Variants in ZNF497 observed in about 807,000 individuals in gnomAD.
The protein encoded by ZNF497 is zinc finger protein 497.
For synonymous variants in ZNF497, 422 were observed against 313.7 expected (o/e 1.35, Z -3.65); for missense variants, 930 against 714.0 (o/e 1.30, Z -3.45).
intron 1 of ZNF497, chr19:58,358,857 G>A (rs925656625): frequency 4.4e-6 from 2 of 456,890 alleles, no homozygotes; most frequent in Non-Finnish European, 8.8e-6. Flanking sequence ...AGCTGGGGTC[G>A]TGAGCAGGGG....
intron 2 of ZNF497, chr19:58,358,050 G>A (rs1048361393): frequency 8.2e-7 from 1 of 1,220,858 alleles, no homozygotes; most frequent in Non-Finnish European, 1.0e-6. Context: ...TGAGGAACAC[G>A]ATGGACCCGT....
At chr19:58,358,866 G>A (rs2052058982) in intron 1 of ZNF497, 3 of 456,920 alleles carry the variant, frequency 6.6e-6, no homozygotes, top group Non-Finnish European at 1.3e-5. Context: ...CGTGAGCAGG[G>A]GAAGCACACC....
In ZNF497 at chr19:58,357,212, C is replaced by T. The variant is rs764593867; in HGVS notation, c.424G>A (p.Ala142Thr). Reference protein sequence around the residue: ...KPYTCPECGKAFAWSSNLSQH... With the variant: ...KPYTCPECGKTFAWSSNLSQH... Reference sequence around the variant, plus strand: ...CTGAGGTTGGAGCTCCAGGCGAAGGCCTTGCCGCACTCGGGGCACGTGTAC... The same window carrying T: ...CTGAGGTTGGAGCTCCAGGCGAAGGTCTTGCCGCACTCGGGGCACGTGTAC... Residue 142 changes from alanine (A) to threonine (T), a missense_variant, in exon 3 of 3, where the codon GCC (alanine) becomes ACC (threonine). Ala to Thr is a moderately conservative substitution (Grantham distance 58, BLOSUM62 0). Coordinates refer to ENST00000311044, the MANE Select transcript of ZNF497 (RefSeq NM_198458.3). 5.6e-6 allele frequency: 9 copies of T among 1,613,200 alleles called. No individual in the cohort carries two copies. Among genetic ancestry groups the T allele is most frequent in the South Asian group, 3.3e-5 (3 of 91,040 alleles).
At position 58,357,406 on chromosome 19, in the gene ZNF497, G is replaced by A. The variant is rs528294762; in HGVS notation, c.230C>T (p.Ala77Val). ...QGGPGRELGP[A>V]DGGRDGAGPR... ...CCCAGCCCCGTCCCGCCCACCGTCT[G>A]CGGGGCCCAGCTCCCTGCCGGGGCC... is the stretch of plus-strand genomic sequence containing the variant. The change falls in exon 3 of 3, where the codon GCA becomes GTA. Residue 77 changes from alanine (A) to valine (V), a missense_variant. By Grantham distance (64) the Ala-to-Val change is moderately conservative (BLOSUM62 0). Transcript: ENST00000311044. The A allele has an allele frequency of 2.5e-6, 4 of 1,598,518 alleles. No homozygotes were observed. Among genetic ancestry groups the A allele is most frequent in the Non-Finnish European group, 2.6e-6 (3 of 1,173,726 alleles).
chr19:58,356,967 G>A lies in ZNF497; in HGVS notation c.669C>T (p.Cys223=), dbSNP rs763021511. ...TGGAGTTCCAGCTGAAGGCCTTGCC[G>A]CACTCCGGGCACTCGTAGGGCTTCT... is the stretch of plus-strand genomic sequence containing the variant. ...TGEKPYECPE[C]GKAFSWNSNF... The change falls in exon 3 of 3, where the codon TGC becomes TGT. Residue 223 remains cysteine (C), a synonymous_variant. Transcript: ENST00000311044. 6.8e-6 allele frequency: 11 copies of A among 1,606,848 alleles called. No homozygotes were observed. In the South Asian group the frequency reaches 9.9e-5, roughly 14 times the overall value.
At chr19:58,358,221 C>T (rs972815543) in intron 2 of ZNF497, 1 of 1,289,926 alleles carries the variant, frequency 7.8e-7, no homozygotes, top group Non-Finnish European at 1.0e-6. Context: ...GCAATGTCCA[C>T]ACCAGGCCTC....
Position 58,356,727 on chromosome 19 carries a change from G to C in ZNF497, c.909C>G (p.Pro303=), listed in dbSNP as rs374026234. The C allele has an allele frequency of 1.3e-4, 202 of 1,571,706 alleles. 2 individuals carry two copies. The African/African-American group carries it at 2.4e-3, about 19-fold the overall frequency. Residue 303 remains proline, a synonymous_variant, in exon 3 of 3, where the codon CCC becomes CCG. Coordinates refer to ENST00000311044, the MANE Select transcript of ZNF497 (RefSeq NM_198458.3). The stretch of plus-strand genomic sequence containing the variant: ...GGAAAGCCTTTCCGCACTCGGCGCA[G>C]GGGAAGGGCTTCTCGCTGCTGTGCG... ...RRTHSSEKPF[P]CAECGKAFRE... is the part of the protein sequence containing the mutation.
chr19:58,358,210 G>C, intron 2 of ZNF497: 1 of 1,289,928 alleles, frequency 7.8e-7, no homozygotes, highest in Non-Finnish European at 1.0e-6. Context: ...CTGTTACCCA[G>C]GCAATGTCCA....
intron 2 of ZNF497, chr19:58,358,239 G>A (rs918652326): frequency 3.1e-6 from 4 of 1,289,842 alleles, no homozygotes; most frequent in Non-Finnish European, 4.0e-6. Flanking sequence ...CTCTGTGCAG[G>A]TCAGACCAGG....
In ZNF497 at chr19:58,357,408, G is replaced by C. The variant is rs1484855606; in HGVS notation, c.228C>G (p.Pro76=). The C allele has an allele frequency of 1.9e-6, 3 of 1,599,176 alleles. No homozygotes were observed. The highest frequency in any genetic ancestry group is 1.1e-5 in the South Asian group (1 of 89,724). The change falls in exon 3 of 3, where the codon CCC becomes CCG. Residue 76 remains proline, a synonymous_variant. Coordinates refer to ENST00000311044, the MANE Select transcript of ZNF497 (RefSeq NM_198458.3). ...CAGCCCCGTCCCGCCCACCGTCTGC[G>C]GGGCCCAGCTCCCTGCCGGGGCCTC... ...EQGGPGRELG[P]ADGGRDGAGP...
At position 58,355,988 on chromosome 19, in the gene ZNF497, G is replaced by C. The variant is rs1420700285; in HGVS notation, c.*151C>G. On this transcript the variant is annotated 3_prime_UTR_variant, in exon 3 of 3. Coordinates refer to ENST00000311044, the MANE Select transcript of ZNF497 (RefSeq NM_198458.3). ...ATCGTCAAAGGGACTGTGCAGCCAG[G>C]GTTCTCCACACCCAAGGCCGCCCCT... The C allele has an allele frequency of 8.2e-6, 7 of 848,776 alleles. No individual in the cohort carries two copies. The highest frequency in any genetic ancestry group is 1.2e-5 in the Non-Finnish European group (7 of 572,256). 52.6% of individuals were successfully genotyped at this position (848,776 alleles called of 1,614,324 possible).
At position 58,356,780 on chromosome 19, in the gene ZNF497, C is replaced by T; in HGVS notation, c.856G>A (p.Val286Met). 1.3e-6 allele frequency: 2 copies of T among 1,566,620 alleles called. No homozygotes were observed. Among genetic ancestry groups the T allele is most frequent in the Non-Finnish European group, 8.6e-7 (1 of 1,164,260 alleles). Reference protein sequence around the residue: ...CPDCGKAFVRVAGLRQHRRTH... With the variant: ...CPDCGKAFVRMAGLRQHRRTH... ...CGCCGGTGCTGCCGCAGCCCCGCCA[C>T]ACGCACGAAGGCCTTGCCGCAGTCG... is the stretch of plus-strand genomic sequence containing the variant. The change falls in exon 3 of 3, where the codon GTG becomes ATG. Residue 286 changes from valine (V) to methionine (M), a missense_variant. Transcript: ENST00000311044.
Position 58,357,013 on chromosome 19 carries a change from T to C in ZNF497, c.623A>G (p.His208Arg). ...CTTCTCGCCCGTGTGCGTGCGTCGG[T>C]GCTGCACCAGCGTGGTGCTTCGGCC... ...SFGRSTTLVQHRRTHTGEKPY... is the reference protein window; with the variant it reads ...SFGRSTTLVQRRRTHTGEKPY... The change falls in exon 3 of 3, where the codon CAC becomes CGC. Residue 208 changes from histidine to arginine, a missense_variant. His to Arg is a conservative substitution (Grantham distance 29). Transcript: ENST00000311044. 1 of 1,609,674 alleles carries C rather than the reference T, an allele frequency of 6.2e-7. No homozygotes were observed. The highest frequency in any genetic ancestry group is 8.5e-7 in the Non-Finnish European group (1 of 1,179,152).
intron 1 of ZNF497, among the ~76,000 whole-genome samples, chr19:58,360,599 G>C (rs1599915848): frequency 6.6e-6 from 1 of 151,916 alleles, no homozygotes; most frequent in South Asian, 2.1e-4. Flanking sequence ...CGCAATCTCG[G>C]CTCACTGCAA....
rs982762587 is a variant in ZNF497 at position 58,354,517 on chromosome 19, G to A, written c.*1622C>T. The A allele has an allele frequency of 3.9e-5, 6 of 152,388 alleles. No individual in the cohort carries two copies. Among genetic ancestry groups the A allele is most frequent in the African/African-American group, 7.2e-5 (3 of 41,466 alleles). The allele number at this position is 152,388 out of a possible 1,614,324, so 9.4% of individuals were successfully genotyped here. ...AGCAGAGGAGACCAGGAGTTGAGGC[G>A]ACTGCAGAGCGATTGCAGAGCTCAT... On this transcript the variant is annotated 3_prime_UTR_variant, in exon 3 of 3. Transcript: ENST00000311044.
chr19:58,358,280 C>T (rs1474289595), intron 2 of ZNF497: 1 of 1,289,502 alleles, frequency 7.8e-7, no homozygotes, highest in East Asian at 5.5e-5. Context: ...CTGTGCAGCC[C>T]AGATCCCTGA....
At chr19:58,358,703 A>G (rs925602540) in intron 1 of ZNF497, 118 bp from the exon 2 acceptor site, 50 of 475,086 alleles carry the variant, frequency 1.1e-4, no homozygotes, top group Admixed American at 7.1e-4. Context: ...TCAGGACACA[A>G]TGCGGAGCAC....
In ZNF497 at chr19:58,356,545, C is replaced by G; in HGVS notation, c.1091G>C (p.Gly364Ala). 2 of 1,547,880 alleles carry G rather than the reference C, an allele frequency of 1.3e-6. No individual in the cohort carries two copies. Among genetic ancestry groups the G allele is most frequent in the Non-Finnish European group, 1.7e-6 (2 of 1,151,416 alleles). The change falls in exon 3 of 3, where the codon GGC (glycine) becomes GCC (alanine). Residue 364 changes from glycine (G) to alanine (A), a missense_variant. By Grantham distance (60) the Gly-to-Ala change is moderately conservative (BLOSUM62 0). Transcript: ENST00000311044. ...GEKPHACAQC[G>A]KAFSQRSNLL... is the part of the protein sequence containing the mutation. ...GTTGGAGCGCTGGCTGAAGGCCTTG[C>G]CGCACTGGGCGCACGCATGAGGCTT...
Position 58,357,113 on chromosome 19 carries a change from A to AT in ZNF497, c.522_523insA (p.Ser175IlefsTer153). On this transcript the variant is annotated frameshift_variant, in exon 3 of 3. Transcript: ENST00000311044. The stretch of plus-strand genomic sequence containing the variant: ...GTCTCCTGGTGGTGGATGAGCTGCG[A>AT]GTGCGCGCGGAAGGCCTTGCCGCAC... The AT allele has an allele frequency of 6.2e-7, 1 of 1,608,924 alleles. No homozygotes were observed. Among genetic ancestry groups the AT allele is most frequent in the Non-Finnish European group, 8.5e-7 (1 of 1,176,570 alleles).
Sources: gnomAD v4.1 joint callset for allele counts (sites outside exome capture counted in the v4.1 genomes callset) on GRCh38, gnomAD v4.1.1 for gene constraint, MANE v1.5 for transcripts, NCBI Gene and HGNC (gene_info 2026-07-23, HGNC 2026-07-21) for gene names.